The following CTNNA2 variants were observed in gnomAD, a reference collection of about 807,000 sequenced individuals.
CTNNA2 encodes the protein catenin alpha 2, also known as catenin alpha-2.
CTNNA2 carries 42 observed loss-of-function variants against 101.0 expected under a neutral mutation model. The observed-to-expected ratio is 0.42, with a 90% CI of 0.32 to 0.54. The LOEUF is 0.54. Ranked by LOEUF, CTNNA2 falls within the 20% of genes least tolerant of loss-of-function variation. The pLI, the probability that CTNNA2 is intolerant of heterozygous loss-of-function variation, is 0.14. For synonymous variants in CTNNA2, 450 were observed against 456.4 expected, an observed-to-expected ratio of 0.99 and a Z score of 0.18; for missense variants, 871 against 1,223.1, an observed-to-expected ratio of 0.71 and a Z score of 4.29.
chr2:80,219,241 C>A (rs1708436837), intron 7 of CTNNA2, among the ~76,000 whole-genome samples: 1 of 152,170 alleles, frequency 6.6e-6, no homozygotes, highest in African/African-American at 2.4e-5. Flanking sequence ...TGCAGTAATT[C>A]TGTGCAATAA....
chr2:80,442,836 C>T (rs1026368320), intron 9 of CTNNA2, among the ~76,000 whole-genome samples: 1 of 152,194 alleles, frequency 6.6e-6, no homozygotes, highest in Non-Finnish European at 1.5e-5. Flanking sequence ...TCATCCTCGT[C>T]TTCTTTTCTC....
At position 80,036,858 on chromosome 2, in the gene CTNNA2, A is replaced by T. The variant is rs946548624; in HGVS notation, c.1056+127061A>T. ...GTGTGTGTGTGTGTGTGAGAGAGAGAGAGAGAGAGAGAGAGAGAGAAGAGG... is the reference window on the plus strand; with the variant it reads ...GTGTGTGTGTGTGTGTGAGAGAGAGTGAGAGAGAGAGAGAGAGAGAAGAGG... On this transcript the variant is annotated intron_variant, in intron 7 of 18. Transcript: ENST00000402739. 1.7e-3 allele frequency among the ~76,000 whole-genome samples: 251 copies of T among 149,078 alleles called. 2 individuals carry two copies. In the South Asian group the frequency reaches 0.023, roughly 14 times the overall value.
intron 7 of CTNNA2, among the ~76,000 whole-genome samples, chr2:80,201,155 C>T (rs1248475905): frequency 6.6e-6 from 1 of 151,786 alleles, no homozygotes; most frequent in East Asian, 1.9e-4. Flanking sequence ...ACTGAATTGT[C>T]TTTTATTTGT....
At chr2:80,619,364 C>T in intron 18 of CTNNA2, 136 bp downstream of exon 18, 1 of 927,924 alleles carries the variant, frequency 1.1e-6, no homozygotes, top group Non-Finnish European at 1.5e-6. Flanking sequence ...GGGCAAAGGA[C>T]TTATTTATTC....
chr2:79,239,392 T>C (rs112228012), intron 2 of CTNNA2, among the ~76,000 whole-genome samples: 3 of 152,220 alleles, frequency 2.0e-5, no homozygotes, highest in African/African-American at 7.2e-5. Flanking sequence ...TAAATGGTAC[T>C]GGGAGAACTG....
chr2:79,345,476 C>T (rs1677241507), intron 3 of CTNNA2, among the ~76,000 whole-genome samples: 1 of 152,162 alleles, frequency 6.6e-6, no homozygotes, highest in African/African-American at 2.4e-5. Context: ...AACGCAAAGA[C>T]AATGACCTCT....
chr2:80,266,054 A>G (rs748302778), intron 7 of CTNNA2, among the ~76,000 whole-genome samples: 2 of 152,170 alleles, frequency 1.3e-5, no homozygotes, highest in African/African-American at 2.4e-5. Context: ...GAGGGCTTCA[A>G]TTTCCCCATT....
intron 2 of CTNNA2, among the ~76,000 whole-genome samples, chr2:79,290,077 A>T (rs539975611): frequency 1.3e-5 from 2 of 152,188 alleles, no homozygotes; most frequent in Non-Finnish European, 2.9e-5. Context: ...GTGCATTTGC[A>T]TGACCCTAAG....
At chr2:79,500,365 C>G (rs1671305715) in intron 4 of CTNNA2, among the ~76,000 whole-genome samples, 1 of 152,114 alleles carries the variant, frequency 6.6e-6, no homozygotes, top group Non-Finnish European at 1.5e-5. Flanking sequence ...ACCACCATTT[C>G]TATGGGATAC....
intron 3 of CTNNA2, among the ~76,000 whole-genome samples, chr2:79,747,508 CT>C (rs1671725886): frequency 6.6e-6 from 1 of 152,164 alleles, no homozygotes; most frequent in South Asian, 2.1e-4. Context: ...GGCCCCGGGC[CT>C]CCTTTTAAAA....
intron 9 of CTNNA2, among the ~76,000 whole-genome samples, chr2:80,489,967 G>A (rs1314717387): frequency 6.6e-6 from 1 of 152,132 alleles, no homozygotes; most frequent in Non-Finnish European, 1.5e-5. Context: ...GGTCCGAGGG[G>A]ATGGAAAAGG....
rs1677732691 is a variant in CTNNA2, at chr2:79,365,668, G to A, written c.-317-8163G>A. Among the ~76,000 whole-genome samples, 3 of 151,882 alleles carry A rather than the reference G, an allele frequency of 2.0e-5. No homozygotes were observed. The South Asian group carries it at 6.2e-4, about 32-fold the overall frequency. ...AGGAAAAAAAAAAAAGGGAAGTGGG[G>A]GGGACATGACAAGATGATTCCAGGT... is the stretch of plus-strand genomic sequence containing the variant. On this transcript the variant is annotated intron_variant, in intron 3 of 21. Coordinates refer to the CTNNA2 transcript ENST00000466387.
intron 2 of CTNNA2, among the ~76,000 whole-genome samples, chr2:79,707,824 C>T (rs780819603): frequency 6.6e-6 from 1 of 152,130 alleles, no homozygotes; most frequent in East Asian, 1.9e-4. Context: ...TTTGACAATT[C>T]GAGAGACTTT....
chr2:80,642,934 A>G (rs142774491), intron 18 of CTNNA2, among the ~76,000 whole-genome samples: 1 of 152,178 alleles, frequency 6.6e-6, no homozygotes, highest in East Asian at 1.9e-4. Flanking sequence ...GTTGAGTGGT[A>G]TTAAGAAGAG....
intron 9 of CTNNA2, among the ~76,000 whole-genome samples, chr2:80,490,650 T>C (rs1029920858): frequency 6.6e-6 from 1 of 152,184 alleles, no homozygotes; most frequent in Non-Finnish European, 1.5e-5. Flanking sequence ...TGTGCTGCTT[T>C]GGACAGTGGT....
chr2:79,390,886 C>T (rs557144555), intron 4 of CTNNA2, among the ~76,000 whole-genome samples: 12 of 151,888 alleles, frequency 7.9e-5, no homozygotes, highest in East Asian at 1.9e-4. Flanking sequence ...CTCTGCTCAA[C>T]GAATAAATGA....
At chr2:80,105,933 A>G (rs1700859634) in intron 7 of CTNNA2, among the ~76,000 whole-genome samples, 1 of 152,126 alleles carries the variant, frequency 6.6e-6, no homozygotes, top group African/African-American at 2.4e-5. Flanking sequence ...ACATGTTCTC[A>G]CTTACTAGTG....
chr2:79,409,430 T>C (rs981147355), intron 4 of CTNNA2, among the ~76,000 whole-genome samples: 4 of 152,204 alleles, frequency 2.6e-5, no homozygotes, highest in African/African-American at 9.7e-5. Flanking sequence ...TTTATGGTTT[T>C]AGGTCTAACA....
chr2:79,527,213 G>A (rs997087053), intron 1 of CTNNA2, among the ~76,000 whole-genome samples: 2 of 151,952 alleles, frequency 1.3e-5, no homozygotes, highest in Non-Finnish European at 2.9e-5. Context: ...GACTAGAATA[G>A]ACATTTCTCC....
Sources: allele counts gnomAD v4.1 joint callset (sites outside exome capture counted in the v4.1 genomes callset), GRCh38; gene constraint gnomAD v4.1.1; transcripts MANE v1.5; gene names NCBI Gene and HGNC (gene_info 2026-07-23, HGNC 2026-07-21).